The following TFB1M variants were observed in gnomAD, a reference collection of about 807,000 sequenced individuals.
TFB1M encodes the protein dimethyladenosine transferase 1, mitochondrial.
TFB1M carries 27 observed loss-of-function variants against 31.1 expected under a neutral mutation model. The ratio of observed to expected loss-of-function variants is 0.87; its 90% confidence interval spans 0.64 to 1.20. TFB1M has a LOEUF of 1.20. Ranked by LOEUF, TFB1M falls within the 50% of genes most tolerant of loss-of-function variation. The pLI is 0.00. For missense variants in TFB1M, 394 were observed against 418.7 expected (o/e 0.94, Z 0.51); for synonymous variants, 166 against 151.8 (o/e 1.09, Z -0.69).
Position 155,256,996 on chromosome 6 carries a change from A to T in TFB1M, c.*840T>A. 1.2e-6 allele frequency: 2 copies of T among 1,614,208 alleles called. No individual in the cohort carries two copies. The highest frequency in any genetic ancestry group is 2.2e-5 in the East Asian group (1 of 44,886). The stretch of plus-strand genomic sequence containing the variant: ...GCAGATCCGTCACCAGTCCCTTGAC[A>T]GTCAGTCTGAAAATGCCACCATCGA... On this transcript the variant is annotated 3_prime_UTR_variant, in exon 7 of 7. Transcript: ENST00000367166.
chr6:155,245,231 T>C, the TFB1M span, among the ~76,000 whole-genome samples: 1 of 152,226 alleles, frequency 6.6e-6, no homozygotes, highest in East Asian at 1.9e-4. Context: ...TAAGCCGCAG[T>C]GTGGCAGGAA....
chr6:155,234,160 T>C, the TFB1M span, among the ~76,000 whole-genome samples: 3 of 152,298 alleles, frequency 2.0e-5, no homozygotes, highest in East Asian at 3.9e-4. Context: ...GTTTGTAGCA[T>C]TGATTGCTAC....
the TFB1M span, among the ~76,000 whole-genome samples, chr6:155,231,458 G>A: frequency 6.6e-6 from 1 of 152,152 alleles, no homozygotes; most frequent in Admixed American, 6.5e-5. Flanking sequence ...TAAAATGAAT[G>A]GTTTGTCCTC....
chr6:155,269,926 T>C (rs1021772963), intron 5 of TFB1M, among the ~76,000 whole-genome samples: 1 of 152,238 alleles, frequency 6.6e-6, no homozygotes, highest in Admixed American at 6.5e-5. Flanking sequence ...GCACTGATCC[T>C]GGCACAGGAG....
At chr6:155,306,938 G>A (rs1433017144) in intron 2 of TFB1M, among the ~76,000 whole-genome samples, 1 of 152,126 alleles carries the variant, frequency 6.6e-6, no homozygotes, top group South Asian at 2.1e-4. Context: ...ATGTAGAAAT[G>A]GTGAAATCCC....
chr6:155,306,911 G>A (rs932867051), intron 2 of TFB1M, among the ~76,000 whole-genome samples: 4 of 152,156 alleles, frequency 2.6e-5, no homozygotes, highest in Middle Eastern at 3.4e-3. Context: ...GCTTAAGCCC[G>A]GGAGTTTGAG....
the TFB1M span, chr6:155,248,319 T>A: frequency 1.0e-6 from 1 of 995,752 alleles, no homozygotes; most frequent in East Asian, 2.6e-5. Context: ...CGATGGTTAA[T>A]CTTAGGTTTC....
intron 5 of TFB1M, among the ~76,000 whole-genome samples, chr6:155,263,691 T>A (rs987982638): frequency 6.6e-6 from 1 of 152,182 alleles, no homozygotes; most frequent in African/African-American, 2.4e-5. Flanking sequence ...GTAATCAACA[T>A]GATATACAGA....
At chr6:155,253,418 G>A (rs912557473), downstream of TFB1M, 1 of 203,648 alleles carries the variant, frequency 4.9e-6, no homozygotes, top group Non-Finnish European at 9.8e-6. Context: ...AGGTAGTACT[G>A]TAGGTGATAT....
intron 5 of TFB1M, 116 bp from the exon 6 acceptor site, chr6:155,260,516 C>T: frequency 4.5e-6 from 6 of 1,343,896 alleles, no homozygotes; most frequent in Non-Finnish European, 6.3e-6. Context: ...TTTTCATAAA[C>T]AGACCTTTCC....
intron 5 of TFB1M, among the ~76,000 whole-genome samples, chr6:155,271,151 G>A (rs1020707181): frequency 6.6e-6 from 1 of 152,140 alleles, no homozygotes; most frequent in Admixed American, 6.5e-5. Flanking sequence ...AATGATTAAA[G>A]TCTAACATGG....
chr6:155,278,094 G>A (rs1324800090), intron 5 of TFB1M, among the ~76,000 whole-genome samples: 3 of 152,136 alleles, frequency 2.0e-5, no homozygotes, highest in Non-Finnish European at 2.9e-5. Flanking sequence ...TTTGGAAGTG[G>A]CAATCCTGCA....
rs201722903 is a variant in TFB1M at position 155,257,804 on chromosome 6, C to T, written c.*32G>A. The T allele has an allele frequency of 6.6e-5, 107 of 1,613,508 alleles. No individual in the cohort carries two copies. The highest frequency in any genetic ancestry group is 1.6e-5 in the Non-Finnish European group (19 of 1,179,778). ...AGAAGCTCCACGTAGTGCAAATCGA[C>T]ATCTGGTAGGCTGCTCGCCCCCAGG... On this transcript the variant is annotated 3_prime_UTR_variant, in exon 7 of 7. Transcript: ENST00000367166.
At chr6:155,248,788 A>G in the TFB1M span, among the ~76,000 whole-genome samples, 1 of 152,356 alleles carries the variant, frequency 6.6e-6, no homozygotes, top group African/African-American at 2.4e-5. Flanking sequence ...GAGGGGCTTT[A>G]TTTGGGTTGG....
chr6:155,249,742 G>A, the TFB1M span: 3 of 832,808 alleles, frequency 3.6e-6, no homozygotes, highest in South Asian at 3.5e-5. Context: ...CTGCTAGTGG[G>A]TACTGGTCTG....
In TFB1M at chr6:155,260,552, A is replaced by G. The variant is rs993685337; in HGVS notation, c.667-152T>C. On this transcript the variant is annotated intron_variant, in intron 5 of 6. Transcript: ENST00000367166. ...ACGTACTTCGGTTTCATCTCTAGGC[A>G]TGGAAGATGGTACATTCTGGATTCG... is the stretch of plus-strand genomic sequence containing the variant. 9 of 929,412 alleles carry G rather than the reference A, an allele frequency of 9.7e-6. No individual in the cohort carries two copies. The African/African-American group carries it at 1.1e-4, about 12-fold the overall frequency. 57.6% of individuals were successfully genotyped at this position (929,412 alleles called of 1,614,324 possible). A position where few individuals can be genotyped will look rare whatever the true frequency, so the allele number is the denominator to read the frequency against.
At chr6:155,266,971 T>C (rs1370595553) in intron 5 of TFB1M, among the ~76,000 whole-genome samples, 2 of 50,602 alleles carry the variant, frequency 4.0e-5, no homozygotes, top group East Asian at 1.8e-3. Flanking sequence ...CTTTGCTGCC[T>C]TTTTTTTTTT....
At chr6:155,236,983 C>T in the TFB1M span, among the ~76,000 whole-genome samples, 1 of 152,168 alleles carries the variant, frequency 6.6e-6, no homozygotes, top group Admixed American at 6.5e-5. Context: ...TCCCAACAGT[C>T]CCCCAAAGTC....
Position 155,260,302 on chromosome 6 carries a change from G to T in TFB1M, c.765C>A (p.Phe255Leu). 1 of 1,614,148 alleles carries T rather than the reference G, an allele frequency of 6.2e-7. No homozygotes were observed. The highest frequency in any genetic ancestry group is 2.2e-5 in the East Asian group (1 of 44,890). Residue 255 changes from phenylalanine (F) to leucine (L), a missense_variant, in exon 6 of 7, where the codon TTC (phenylalanine) becomes TTA (leucine). This residue lies in a region of TFB1M where 115 missense variants were observed against 144.1 expected (regional missense o/e 0.80). Coordinates refer to ENST00000367166, the MANE Select transcript of TFB1M (RefSeq NM_016020.4). ...VEKVVQNVFQ[F>L]RRKYCHRGLR... is the part of the protein sequence containing the mutation. ...GCCCTCGATGGCAGTATTTCCTTCG[G>T]AACTGAAATACATTCTGAACCACTT...
Sources: allele counts gnomAD v4.1 joint callset (sites outside exome capture counted in the v4.1 genomes callset), GRCh38; gene constraint gnomAD v4.1.1; regional missense constraint gnomAD v4.1.1; transcripts MANE v1.5; gene names NCBI Gene and HGNC (gene_info 2026-07-23, HGNC 2026-07-21).